The following PTPRM variants were observed in gnomAD, a reference collection of about 807,000 sequenced individuals.
The protein encoded by PTPRM is protein tyrosine phosphatase receptor type M, also known as receptor-type tyrosine-protein phosphatase mu.
PTPRM carries 47 observed loss-of-function variants against 186.7 expected under a neutral mutation model. The ratio of observed to expected loss-of-function variants is 0.25; its 90% confidence interval spans 0.20 to 0.32. The LOEUF (loss-of-function observed/expected upper bound fraction) is 0.32, where lower values mean the gene tolerates loss of function less well. Ranked by LOEUF, PTPRM falls within the 10% of genes least tolerant of loss-of-function variation. PTPRM has a pLI of 1.00. For missense variants in PTPRM, 1,494 were observed against 1,865.0 expected, an observed-to-expected ratio of 0.80 and a Z score of 3.66; for synonymous variants, 668 against 674.9, an observed-to-expected ratio of 0.99 and a Z score of 0.16.
At chr18:8,399,881 T>A (rs2095863111) in intron 32 of PTPRM, 1 of 152,152 alleles carries the variant, frequency 6.6e-6, no homozygotes, top group African/African-American at 2.4e-5. Context: ...AAATTCCAAA[T>A]AGAATGTAGC....
chr18:8,106,508 G>T (rs562191530), intron 11 of PTPRM, among the ~76,000 whole-genome samples: 2 of 152,190 alleles, frequency 1.3e-5, no homozygotes, highest in South Asian at 4.1e-4. Context: ...CTGTTACTTT[G>T]TCCTTTGTAC....
chr18:7,706,371 A>C (rs939320567), intron 1 of PTPRM, among the ~76,000 whole-genome samples: 1 of 151,890 alleles, frequency 6.6e-6, no homozygotes, highest in African/African-American at 2.4e-5. Context: ...CCAAGATGGG[A>C]GGATCACTTG....
At chr18:7,917,407 G>A (rs899829891) in intron 4 of PTPRM, among the ~76,000 whole-genome samples, 39 of 152,232 alleles carry the variant, frequency 2.6e-4, no homozygotes, top group African/African-American at 9.4e-4. Flanking sequence ...GTGGTGGCAG[G>A]CGCCTGTAGT....
At chr18:8,139,605 T>G (rs1009619741) in intron 13 of PTPRM, among the ~76,000 whole-genome samples, 1 of 152,194 alleles carries the variant, frequency 6.6e-6, no homozygotes, top group African/African-American at 2.4e-5. Context: ...ATGCTTCACC[T>G]TCTCCGCAGT....
chr18:8,368,398 G>A (rs1360006557), intron 23 of PTPRM, among the ~76,000 whole-genome samples: 1 of 152,038 alleles, frequency 6.6e-6, no homozygotes, highest in South Asian at 2.1e-4. Context: ...TATCCATGAT[G>A]TAAATTTCTG....
At chr18:8,155,408 TA>T (rs1457872071) in intron 14 of PTPRM, among the ~76,000 whole-genome samples, 1 of 152,186 alleles carries the variant, frequency 6.6e-6, no homozygotes, top group Non-Finnish European at 1.5e-5. Context: ...TGAAAATAAT[TA>T]AAGAGTTAGG....
chr18:8,257,626 G>A (rs2094586710), intron 19 of PTPRM, among the ~76,000 whole-genome samples: 1 of 152,168 alleles, frequency 6.6e-6, no homozygotes, highest in Non-Finnish European at 1.5e-5. Flanking sequence ...AAGACTTGTT[G>A]AAGCAGTGAA....
At chr18:8,059,236 C>A (rs2088283158) in intron 7 of PTPRM, among the ~76,000 whole-genome samples, 1 of 133,078 alleles carries the variant, frequency 7.5e-6, no homozygotes, top group African/African-American at 2.9e-5. Flanking sequence ...GGAGTTCACT[C>A]ATGATTTGGC....
intron 1 of PTPRM, among the ~76,000 whole-genome samples, chr18:7,719,905 C>A (rs1345157872): frequency 6.6e-6 from 1 of 152,052 alleles, no homozygotes; most frequent in Non-Finnish European, 1.5e-5. Context: ...AATTAACATA[C>A]AAAAGTCAAA....
chr18:8,378,542 G>A (rs1327264927), intron 27 of PTPRM, 128 bp downstream of exon 27: 2 of 1,175,906 alleles, frequency 1.7e-6, no homozygotes. Flanking sequence ...TCGTATTCAG[G>A]GCTGGGTAAC....
At chr18:8,044,900 G>A (rs751400482) in intron 7 of PTPRM, among the ~76,000 whole-genome samples, 24 of 152,100 alleles carry the variant, frequency 1.6e-4, no homozygotes, top group South Asian at 2.1e-4. Flanking sequence ...CTCGTATATT[G>A]CTGGTGGGAA....
chr18:8,364,288 T>C (rs1430085391), intron 23 of PTPRM, among the ~76,000 whole-genome samples: 10 of 152,194 alleles, frequency 6.6e-5, no homozygotes, highest in African/African-American at 1.4e-4. Flanking sequence ...TCTCATATTA[T>C]GCATGAGAAA....
At chr18:8,057,071 G>A (rs908000338) in intron 7 of PTPRM, among the ~76,000 whole-genome samples, 3 of 151,008 alleles carry the variant, frequency 2.0e-5, no homozygotes, top group African/African-American at 7.3e-5. Context: ...GAAATCTCAT[G>A]TTGCAAAAAA....
chr18:8,004,332 G>T (rs987429838), intron 7 of PTPRM, among the ~76,000 whole-genome samples: 1 of 152,128 alleles, frequency 6.6e-6, no homozygotes, highest in Non-Finnish European at 1.5e-5. Flanking sequence ...TAAATTGTGT[G>T]TGTGTGCCAT....
At position 7,814,940 on chromosome 18, in the gene PTPRM, T is replaced by C. The variant is rs146691917; in HGVS notation, c.196+40669T>C. 6.2e-3 allele frequency: 938 copies of C among 152,278 alleles called. 2 individuals carry two copies. The highest frequency in any genetic ancestry group is 0.021 in the African/African-American group (888 of 41,542). The allele number at this position is 152,278 out of a possible 1,614,324, so 9.4% of individuals were successfully genotyped here. On this transcript the variant is annotated intron_variant, in intron 2 of 32. Transcript: ENST00000580170. The stretch of plus-strand genomic sequence containing the variant: ...GTCTTAAATCTTGAGAAAGTTACAT[T>C]TATCTTATCTGAGTTCCTTTTTCAG...
At chr18:8,213,200 T>TA (rs2094031220) in intron 14 of PTPRM, among the ~76,000 whole-genome samples, 1 of 152,228 alleles carries the variant, frequency 6.6e-6, no homozygotes, top group African/African-American at 2.4e-5. Flanking sequence ...AGAGGCCACT[T>TA]ACGCTAAGTA....
chr18:8,339,685 G>C (rs73382249), intron 22 of PTPRM, among the ~76,000 whole-genome samples: 1,571 of 152,242 alleles, frequency 0.01, 29 homozygotes, highest in African/African-American at 0.035. Flanking sequence ...GCTAAGAGGA[G>C]CCTCCCTGTG....
chr18:7,890,595 T>C (rs1443658856), intron 3 of PTPRM, among the ~76,000 whole-genome samples: 4 of 152,168 alleles, frequency 2.6e-5, no homozygotes, highest in African/African-American at 9.7e-5. Flanking sequence ...TTTTAGAGTA[T>C]GTACTTTGGC....
chr18:7,905,686 T>G (rs2049941633), intron 3 of PTPRM, among the ~76,000 whole-genome samples: 1 of 152,148 alleles, frequency 6.6e-6, no homozygotes, highest in Non-Finnish European at 1.5e-5. Context: ...CTGAGCCTGG[T>G]CCTCTTCACA....
Sources: gnomAD v4.1 joint callset for allele counts (sites outside exome capture counted in the v4.1 genomes callset) on GRCh38, gnomAD v4.1.1 for gene constraint, MANE v1.5 for transcripts, NCBI Gene and HGNC (gene_info 2026-07-23, HGNC 2026-07-21) for gene names.